ZNF350: variants seen among roughly 807,000 people sequenced by gnomAD.
The protein encoded by ZNF350 is KRAB zinc finger protein ZFQR.
A neutral mutation model predicts 13.1 loss-of-function variants in ZNF350; 5 were observed. The ratio of observed to expected loss-of-function variants is 0.38; its 90% CI spans 0.20 to 0.80. The LOEUF is 0.80. Among genes scored for constraint, ZNF350 ranks in the 30% least tolerant of loss-of-function variants. ZNF350 has a pLI of 0.43. For missense variants in ZNF350, 534 were observed against 644.2 expected (o/e 0.83, Z 1.85); for synonymous variants, 199 against 224.2 (o/e 0.89, Z 1.00).
intron 1 of ZNF350, among the ~76,000 whole-genome samples, chr19:51,986,206 A>G (rs1029820816): frequency 1.3e-5 from 2 of 151,976 alleles, no homozygotes; most frequent in African/African-American, 4.8e-5. Flanking sequence ...AGAAGAGTAG[A>G]TATATGGTTT....
intron 1 of ZNF350, among the ~76,000 whole-genome samples, chr19:51,975,450 A>C (rs1038154897): frequency 1.3e-5 from 2 of 151,520 alleles, no homozygotes; most frequent in African/African-American, 2.4e-5. Flanking sequence ...AAAAAAAAAA[A>C]AACTAGTAAT....
At chr19:51,968,715 G>C (rs1216788570) in intron 3 of ZNF350, 42 bp from the exon 4 acceptor site, 1 of 1,582,940 alleles carries the variant, frequency 6.3e-7, no homozygotes, top group Middle Eastern at 1.7e-4. Flanking sequence ...ATATCAAATT[G>C]GGCTGGCAAT....
chr19:51,976,727 A>C lies in ZNF350; in HGVS notation c.-171-2196T>G, dbSNP rs1370318240. On this transcript the variant is annotated intron_variant, in intron 1 of 4. Transcript: ENST00000243644. This position sits in a 1 kb window ranked among gnomAD's most constrained non-coding sequence, Gnocchi z 4.5. The stretch of plus-strand genomic sequence containing the variant: ...GTTGAGACAGTCTGCAGCTCAGGTT[A>C]ATTCGCAGACACTAACCTCCTGCAG... 1 of 152,206 alleles carries C rather than the reference A, an allele frequency of 6.6e-6. No homozygotes were observed. Among genetic ancestry groups the C allele is most frequent in the African/African-American group, 2.4e-5 (1 of 41,448 alleles). The allele number at this position is 152,206 out of a possible 1,614,324, so 9.4% of individuals were successfully genotyped here. A position where few individuals can be genotyped will look rare whatever the true frequency, so the allele number is the denominator to read the frequency against.
chr19:51,974,601 T>C, intron 1 of ZNF350, 70 bp from the exon 2 acceptor site: 1 of 489,638 alleles, frequency 2.0e-6, no homozygotes, highest in East Asian at 3.1e-5. Flanking sequence ...TCACTGCTGC[T>C]AGGCACTCAT....
In ZNF350 at chr19:51,965,868, C is replaced by T; in HGVS notation, c.585G>A (p.Lys195=). Residue 195 remains lysine (K), a synonymous_variant, in exon 5 of 5, where the codon AAG becomes AAA. Transcript: ENST00000243644. ...TCTCTAATTTTCGTGTTTTCTGATG[C>T]TTGGGACTGATGAATTGGGACTTAG... is the stretch of plus-strand genomic sequence containing the variant. ...ISTKSQFISP[K]HQKTRKLEKH... 2 of 1,614,110 alleles carry T rather than the reference C, an allele frequency of 1.2e-6. No homozygotes were observed. Among genetic ancestry groups the T allele is most frequent in the Non-Finnish European group, 1.7e-6 (2 of 1,180,012 alleles).
intron 1 of ZNF350, among the ~76,000 whole-genome samples, chr19:51,975,038 A>C (rs1482818518): frequency 6.6e-6 from 1 of 152,262 alleles, no homozygotes; most frequent in East Asian, 1.9e-4. Flanking sequence ...TAAAAAGCTA[A>C]AATACACAAT....
chr19:51,982,546 A>C (rs981556582), intron 1 of ZNF350, among the ~76,000 whole-genome samples: 1 of 152,256 alleles, frequency 6.6e-6, no homozygotes, highest in Non-Finnish European at 1.5e-5. Context: ...GTTTTAAATA[A>C]ATGCAAAGAT....
chr19:51,986,454 A>C (rs902383267), intron 1 of ZNF350: 1 of 152,680 alleles, frequency 6.5e-6, no homozygotes, highest in Non-Finnish European at 1.5e-5. Context: ...CCCGAAGCAG[A>C]CGCCGCATCG....
intron 1 of ZNF350, among the ~76,000 whole-genome samples, chr19:51,978,919 G>A (rs2085964912): frequency 6.6e-6 from 1 of 152,192 alleles, no homozygotes; most frequent in Non-Finnish European, 1.5e-5. Context: ...ACAATGGAAA[G>A]GCCCGGTAGA....
intron 4 of ZNF350, 67 bp from the exon 5 acceptor site, chr19:51,966,281 G>T (rs1020657322): frequency 1.7e-4 from 234 of 1,408,876 alleles, no homozygotes; most frequent in African/African-American, 1.5e-3. Flanking sequence ...TGGTTTTTTT[G>T]TTTTTTTTGT....
rs761403857 is a variant in ZNF350, at chr19:51,965,142, A to G, written c.1311T>C (p.Pro437=). 11 of 1,614,030 alleles carry G rather than the reference A, an allele frequency of 6.8e-6. No homozygotes were observed. The East Asian group carries it at 2.2e-4, about 33-fold the overall frequency. ...GTAATGAGCTGTGCCTCTCTGCAGG[A>G]GGATTTTCCACCTTGGCTGCCTCTT... is the stretch of plus-strand genomic sequence containing the variant. ...EKQEAAKVEN[P]PAERHSSLHT... Residue 437 remains proline (P), a synonymous_variant, in exon 5 of 5, where the codon CCT becomes CCC. Coordinates refer to ENST00000243644, the MANE Select transcript of ZNF350 (RefSeq NM_021632.4).
chr19:51,978,665 G>A (rs1392917243), intron 1 of ZNF350, among the ~76,000 whole-genome samples: 1 of 152,086 alleles, frequency 6.6e-6, no homozygotes, highest in Non-Finnish European at 1.5e-5. Context: ...ATGGACATGG[G>A]AGCTGATGTG....
chr19:51,970,243 A>G (rs1189193600), intron 2 of ZNF350, among the ~76,000 whole-genome samples: 4 of 151,798 alleles, frequency 2.6e-5, no homozygotes, highest in Non-Finnish European at 5.9e-5. Flanking sequence ...TTGTATTTTT[A>G]GTAGAGATGG....
rs771491457 is a variant in ZNF350 at position 51,965,880 on chromosome 19, G to T, written c.573C>A (p.Phe191Leu). The T allele has an allele frequency of 1.9e-6, 3 of 1,614,004 alleles. No homozygotes were observed. Among genetic ancestry groups the T allele is most frequent in the Admixed American group, 3.3e-5 (2 of 60,002 alleles). ...SQKLISTKSQFISPKHQKTRK... is the reference protein window; with the variant it reads ...SQKLISTKSQLISPKHQKTRK... ...GTGTTTTCTGATGCTTGGGACTGAT[G>T]AATTGGGACTTAGTGCTGATGAGTT... The change falls in exon 5 of 5, where the codon TTC becomes TTA. Residue 191 changes from phenylalanine (F) to leucine (L), a missense_variant. Coordinates refer to ENST00000243644, the MANE Select transcript of ZNF350 (RefSeq NM_021632.4).
chr19:51,966,307 G>A (rs1340013837), intron 4 of ZNF350, 93 bp from the exon 5 acceptor site: 49 of 1,303,260 alleles, frequency 3.8e-5, no homozygotes, highest in Non-Finnish European at 4.9e-5. Context: ...TTTTTAAGAT[G>A]GAGTTTTACT....
chr19:51,974,679 T>A, intron 1 of ZNF350, 148 bp from the exon 2 acceptor site: 1 of 236,604 alleles, frequency 4.2e-6, no homozygotes, highest in Non-Finnish European at 8.3e-6. Flanking sequence ...ATTTTATACC[T>A]GTGGCCAATA....
chr19:51,973,306 A>C (rs1253188623), intron 2 of ZNF350: 2 of 152,114 alleles, frequency 1.3e-5, no homozygotes, highest in African/African-American at 4.8e-5. Flanking sequence ...CAGATGACCT[A>C]TGTGGCTGAT....
Position 51,964,662 on chromosome 19 carries a change from A to G in ZNF350, c.*192T>C, listed in dbSNP as rs538039243. 426 of 586,612 alleles carry G rather than the reference A, an allele frequency of 7.3e-4. No homozygotes were observed. The highest frequency in any genetic ancestry group is 9.8e-4 in the Non-Finnish European group (340 of 348,262). The allele number at this position is 586,612 out of a possible 1,614,324, so 36.3% of individuals were successfully genotyped here. On this transcript the variant is annotated 3_prime_UTR_variant, in exon 5 of 5. Coordinates refer to ENST00000243644, the MANE Select transcript of ZNF350 (RefSeq NM_021632.4). ...CTTCCTTTACTCATTTAATTGACAC[A>G]GTCGAGCAATTGCTGTGTATGTGCT...
Position 51,976,848 on chromosome 19 carries a change from G to C in ZNF350, c.-171-2317C>G, listed in dbSNP as rs1250920454. ...ATACAGCAGGAGAAGGATTAAAACA[G>C]GCTCATCAAAAAGGTCTTAAAGTCG... is the stretch of plus-strand genomic sequence containing the variant. On this transcript the variant is annotated intron_variant, in intron 1 of 4. Transcript: ENST00000243644. The surrounding 1 kb of genome is among the most constrained non-coding windows in gnomAD (Gnocchi z 4.5). 1 of 152,158 alleles carries C rather than the reference G, an allele frequency of 6.6e-6. No individual in the cohort carries two copies. The highest frequency in any genetic ancestry group is 1.9e-4 in the East Asian group (1 of 5,200). 9.4% of individuals were successfully genotyped at this position (152,158 alleles called of 1,614,324 possible). A position where few individuals can be genotyped will look rare whatever the true frequency, so the allele number is the denominator to read the frequency against.
Sources: allele counts gnomAD v4.1 joint callset (sites outside exome capture counted in the v4.1 genomes callset), GRCh38; gene constraint gnomAD v4.1.1; non-coding constraint Gnocchi (gnomAD v3.1); transcripts MANE v1.5; gene names NCBI Gene and HGNC (gene_info 2026-07-23, HGNC 2026-07-21).